The following THSD7B variants were observed in gnomAD, a reference collection of about 807,000 sequenced individuals.
THSD7B encodes the protein thrombospondin type 1 domain containing 7B.
THSD7B carries 138 observed loss-of-function variants against 213.6 expected under a neutral mutation model. That is an observed-to-expected ratio of 0.65 (90% CI 0.56 to 0.74). The LOEUF is 0.74. Among genes scored for constraint, THSD7B ranks in the 30% least tolerant of loss-of-function variants. THSD7B has a pLI of 0.00. For missense variants in THSD7B, 1,931 were observed against 1,991.5 expected, an observed-to-expected ratio of 0.97 and a Z score of 0.58; for synonymous variants, 742 against 687.0, an observed-to-expected ratio of 1.08 and a Z score of -1.25.
At chr2:137,530,965 G>A (rs1233149182) in intron 15 of THSD7B, among the ~76,000 whole-genome samples, 3 of 152,010 alleles carry the variant, frequency 2.0e-5, no homozygotes, top group South Asian at 2.1e-4. Context: ...ATCAGTTCTC[G>A]AATATCTAAA....
chr2:137,222,985 T>A (rs1297169193), intron 7 of THSD7B, among the ~76,000 whole-genome samples: 2 of 152,088 alleles, frequency 1.3e-5, no homozygotes, highest in Non-Finnish European at 2.9e-5. Flanking sequence ...CTATGGAAAT[T>A]TCAGATAGGT....
intron 12 of THSD7B, among the ~76,000 whole-genome samples, chr2:137,404,496 CACACACACACAT>C (rs1490311841): frequency 1.4e-5 from 2 of 140,536 alleles, no homozygotes; most frequent in Admixed American, 7.2e-5. Flanking sequence ...CACACACACA[CACACACACACAT>C]ATATGTATAT....
At position 136,932,532 on chromosome 2, in the gene THSD7B, C is replaced by A. The variant is rs180732942; in HGVS notation, c.139+50215C>A. On this transcript the variant is annotated intron_variant, in intron 2 of 27. Coordinates refer to ENST00000409968, the MANE Select transcript of THSD7B (RefSeq NM_001316349.2). ...ACTGATAACATAAACAGTTGATTAA[C>A]CTATTTTGTATATTATATTTTATAT... Among the ~76,000 whole-genome samples, 12 of 150,806 alleles carry A rather than the reference C, an allele frequency of 8.0e-5. No individual in the cohort carries two copies. The East Asian group carries it at 2.1e-3, about 27-fold the overall frequency.
intron 4 of THSD7B, among the ~76,000 whole-genome samples, chr2:137,096,019 T>C (rs2104919935): frequency 6.6e-6 from 1 of 152,256 alleles, no homozygotes; most frequent in South Asian, 2.1e-4. Context: ...CATTTTAACA[T>C]CTTGATATTG....
intron 3 of THSD7B, among the ~76,000 whole-genome samples, chr2:137,092,378 C>T (rs954820432): frequency 6.6e-6 from 1 of 152,030 alleles, no homozygotes; most frequent in Non-Finnish European, 1.5e-5. Flanking sequence ...TCCACTATTG[C>T]ACCCAGCCTG....
intron 3 of THSD7B, among the ~76,000 whole-genome samples, chr2:137,093,824 A>G (rs186579494): frequency 2.6e-5 from 4 of 152,264 alleles, no homozygotes; most frequent in East Asian, 3.9e-4. Flanking sequence ...GGTTTGTTAC[A>G]TATGTATACA....
At chr2:136,906,339 T>G (rs1684160297) in intron 2 of THSD7B, 1 of 152,164 alleles carries the variant, frequency 6.6e-6, no homozygotes, top group Non-Finnish European at 1.5e-5. Context: ...GTGTATAATA[T>G]ATACATGTGT....
At chr2:137,023,402 C>A (rs1686482600) in intron 2 of THSD7B, among the ~76,000 whole-genome samples, 1 of 152,080 alleles carries the variant, frequency 6.6e-6, no homozygotes. Context: ...CTGTCAGTGC[C>A]CTGTAGCGGA....
At chr2:137,121,760 C>G (rs1173800198) in intron 5 of THSD7B, among the ~76,000 whole-genome samples, 1 of 152,128 alleles carries the variant, frequency 6.6e-6, no homozygotes, top group Non-Finnish European at 1.5e-5. Context: ...ATGTAAAAGG[C>G]AAATAACAAA....
chr2:136,818,144 ACCCAAATGT>A (rs1682506713), intron 1 of THSD7B, among the ~76,000 whole-genome samples: 1 of 151,180 alleles, frequency 6.6e-6, no homozygotes, highest in African/African-American at 2.4e-5. Context: ...CTTGGAACCA[ACCCAAATGT>A]CCATCAATAA....
chr2:137,030,581 T>TA lies in THSD7B; in HGVS notation c.140-25835dup, dbSNP rs1558893196. Reference sequence around the variant, plus strand: ...ATGTATTTTAAGCACTAACACTCAATAAAAGCTAGGCTGTAGTTCTTACAA... The same window carrying TA: ...ATGTATTTTAAGCACTAACACTCAATAAAAAGCTAGGCTGTAGTTCTTACAA... On this transcript the variant is annotated intron_variant, in intron 2 of 27. Coordinates refer to ENST00000409968, the MANE Select transcript of THSD7B (RefSeq NM_001316349.2). 1.3e-5 allele frequency among the ~76,000 whole-genome samples: 2 copies of TA among 152,152 alleles called. 1 individual carries two copies. Among genetic ancestry groups the TA allele is most frequent in the South Asian group, 4.1e-4 (2 of 4,832 alleles).
rs143439389 is a variant in THSD7B at position 136,931,719 on chromosome 2, T to C, written c.139+49402T>C. The stretch of plus-strand genomic sequence containing the variant: ...CCAATAAAGATCCATATAATCCATA[T>C]AACAGTCCATGATACATTCTACATT... On this transcript the variant is annotated intron_variant, in intron 2 of 27. Transcript: ENST00000409968. Among the ~76,000 whole-genome samples, 262 of 152,270 alleles carry C rather than the reference T, an allele frequency of 1.7e-3. 1 individual carries two copies. Among genetic ancestry groups the C allele is most frequent in the African/African-American group, 6.1e-3 (253 of 41,548 alleles).
intron 12 of THSD7B, among the ~76,000 whole-genome samples, chr2:137,375,675 T>G (rs1397559446): frequency 6.6e-6 from 1 of 152,212 alleles, no homozygotes; most frequent in African/African-American, 2.4e-5. Context: ...TTTGAGATTC[T>G]AGAACGGAAT....
chr2:137,193,502 T>G (rs1335326318), intron 7 of THSD7B, among the ~76,000 whole-genome samples: 3 of 152,112 alleles, frequency 2.0e-5, no homozygotes, highest in Non-Finnish European at 2.9e-5. Flanking sequence ...TCACCACACG[T>G]AAGAGAACTG....
chr2:137,090,528 C>T (rs1687931496), intron 3 of THSD7B, among the ~76,000 whole-genome samples: 1 of 152,016 alleles, frequency 6.6e-6, no homozygotes, highest in Admixed American at 6.6e-5. Flanking sequence ...CTTACGTTTC[C>T]AGGGGAAGTA....
chr2:136,823,000 G>T (rs1014568138), intron 1 of THSD7B, among the ~76,000 whole-genome samples: 4 of 152,176 alleles, frequency 2.6e-5, no homozygotes, highest in Non-Finnish European at 5.9e-5. Context: ...TTAATTACAA[G>T]ACAATATTAT....
intron 2 of THSD7B, among the ~76,000 whole-genome samples, chr2:136,934,124 T>C (rs988166146): frequency 6.6e-6 from 1 of 152,206 alleles, no homozygotes; most frequent in Non-Finnish European, 1.5e-5. Context: ...ATCAATATCT[T>C]ATTAGTTTCA....
chr2:136,960,913 C>A (rs1458872326), intron 2 of THSD7B, among the ~76,000 whole-genome samples: 2 of 151,434 alleles, frequency 1.3e-5, no homozygotes, highest in African/African-American at 2.4e-5. Flanking sequence ...TACGGTGAAA[C>A]CTCGTCTCTA....
intron 15 of THSD7B, among the ~76,000 whole-genome samples, chr2:137,482,096 C>T (rs866175926): frequency 6.6e-6 from 1 of 151,184 alleles, no homozygotes; most frequent in Admixed American, 6.6e-5. Flanking sequence ...GAGAATGGCA[C>T]GTGAACCTGG....
Sources: allele counts gnomAD v4.1 joint callset (sites outside exome capture counted in the v4.1 genomes callset), GRCh38; gene constraint gnomAD v4.1.1; transcripts MANE v1.5; gene names NCBI Gene and HGNC (gene_info 2026-07-23, HGNC 2026-07-21).